The following RNGTT variants were observed in gnomAD, a reference collection of about 807,000 sequenced individuals.
The protein encoded by RNGTT is RNA guanylyltransferase and 5'-phosphatase, also known as mRNA-capping enzyme.
RNGTT carries 33 observed loss-of-function variants against 79.3 expected under a neutral mutation model. The observed-to-expected ratio is 0.42, with a 90% CI of 0.32 to 0.56. RNGTT has a LOEUF of 0.56. RNGTT is among the 20% of genes least tolerant of loss of function. The probability of loss-of-function intolerance (pLI) is 0.17; values close to 1 mark genes in which losing one functional copy is unlikely to be tolerated. For synonymous variants in RNGTT, 222 were observed against 235.9 expected (o/e 0.94, Z 0.54); for missense variants, 497 against 739.1 (o/e 0.67, Z 3.80).
At chr6:88,937,849 A>ATT (rs1784716967) in intron 2 of RNGTT, among the ~76,000 whole-genome samples, 1 of 152,194 alleles carries the variant, frequency 6.6e-6, no homozygotes, top group Non-Finnish European at 1.5e-5. Flanking sequence ...CAATTTCCAA[A>ATT]GTCCCTTATT....
intron 6 of RNGTT, among the ~76,000 whole-genome samples, chr6:88,902,283 G>A (rs972602645): frequency 1.3e-5 from 2 of 152,084 alleles, no homozygotes; most frequent in Non-Finnish European, 2.9e-5. Flanking sequence ...ATAGGAATAA[G>A]TAAATGGAAT....
At chr6:88,764,988 C>T (rs147054791) in intron 13 of RNGTT, among the ~76,000 whole-genome samples, 289 of 152,062 alleles carry the variant, frequency 1.9e-3, no homozygotes, top group Non-Finnish European at 3.6e-3. Context: ...GTCAGGAGAT[C>T]GAGACCATCC....
chr6:88,959,768 T>C (rs551325463), intron 1 of RNGTT, among the ~76,000 whole-genome samples: 3 of 152,228 alleles, frequency 2.0e-5, no homozygotes, highest in African/African-American at 7.2e-5. Flanking sequence ...AAAACTGCAA[T>C]TGTATGCCAC....
At chr6:88,857,902 CA>C (rs1449701151) in intron 8 of RNGTT, among the ~76,000 whole-genome samples, 1 of 152,054 alleles carries the variant, frequency 6.6e-6, no homozygotes, top group East Asian at 1.9e-4. Context: ...CTTTTAGACA[CA>C]GGGGGCAAAA....
intron 11 of RNGTT, among the ~76,000 whole-genome samples, chr6:88,814,035 C>G (rs1780230167): frequency 6.6e-6 from 1 of 151,708 alleles, no homozygotes. Flanking sequence ...AGGTTATAAC[C>G]ATAGGTTATA....
At chr6:88,924,193 G>A (rs1784249359) in intron 4 of RNGTT, among the ~76,000 whole-genome samples, 1 of 152,194 alleles carries the variant, frequency 6.6e-6, no homozygotes, top group Admixed American at 6.5e-5. Flanking sequence ...CCCCTCCCAG[G>A]TAATGCAGGG....
At chr6:88,735,060 C>G (rs764136064) in intron 13 of RNGTT, among the ~76,000 whole-genome samples, 1 of 152,050 alleles carries the variant, frequency 6.6e-6, no homozygotes, top group Non-Finnish European at 1.5e-5. Flanking sequence ...AAATAGACTT[C>G]AGAATAGGAA....
chr6:88,795,405 G>T (rs1166673121), intron 12 of RNGTT, among the ~76,000 whole-genome samples: 2 of 152,046 alleles, frequency 1.3e-5, no homozygotes, highest in Non-Finnish European at 2.9e-5. Flanking sequence ...AATAGAACAC[G>T]TTTAATAACT....
At chr6:88,902,133 G>T (rs545898040) in intron 6 of RNGTT, among the ~76,000 whole-genome samples, 22 of 152,002 alleles carry the variant, frequency 1.4e-4, no homozygotes, top group Non-Finnish European at 2.1e-4. Context: ...AGTACAGTGA[G>T]CTACAATCAC....
intron 14 of RNGTT, among the ~76,000 whole-genome samples, chr6:88,666,848 G>T (rs1269505558): frequency 1.3e-5 from 2 of 152,106 alleles, no homozygotes; most frequent in African/African-American, 2.4e-5. Context: ...TTTAACTCAG[G>T]CCTTAGAGCT....
chr6:88,923,853 A>G (rs1231915977), intron 4 of RNGTT, among the ~76,000 whole-genome samples: 1 of 152,234 alleles, frequency 6.6e-6, no homozygotes, highest in South Asian at 2.1e-4. Context: ...CCAGTTCACA[A>G]TTAAAATAGT....
intron 13 of RNGTT, among the ~76,000 whole-genome samples, chr6:88,682,566 C>T (rs1208175740): frequency 6.6e-6 from 1 of 152,072 alleles, no homozygotes; most frequent in East Asian, 1.9e-4. Context: ...TTCCATAAAG[C>T]ACATTTTTTT....
chr6:88,645,906 G>C (rs1231925991), intron 14 of RNGTT, among the ~76,000 whole-genome samples: 1 of 152,174 alleles, frequency 6.6e-6, no homozygotes, highest in Non-Finnish European at 1.5e-5. Context: ...AACCCTAGAA[G>C]AAAACCTAGG....
chr6:88,691,528 T>C (rs1775482211), intron 13 of RNGTT, among the ~76,000 whole-genome samples: 1 of 152,140 alleles, frequency 6.6e-6, no homozygotes, highest in African/African-American at 2.4e-5. Flanking sequence ...GTAGTAAAAG[T>C]GTAAAGAAGA....
intron 4 of RNGTT, among the ~76,000 whole-genome samples, chr6:88,922,331 A>G (rs1200006630): frequency 6.6e-6 from 1 of 152,144 alleles, no homozygotes; most frequent in African/African-American, 2.4e-5. Flanking sequence ...AGTAATTAGC[A>G]TTTTAATGAC....
rs73506548 is a variant in RNGTT at position 88,916,123 on chromosome 6, G to C, written c.368-9683C>G. 2.2e-3 allele frequency among the ~76,000 whole-genome samples: 342 copies of C among 152,298 alleles called. 1 individual carries two copies. The highest frequency in any genetic ancestry group is 8.0e-3 in the African/African-American group (331 of 41,562). ...AAGAGTGACCGTATCAAGTGTTCCTGAGGATGTAGAGGAACTGGAACCCTC... is the reference window on the plus strand; with the variant it reads ...AAGAGTGACCGTATCAAGTGTTCCTCAGGATGTAGAGGAACTGGAACCCTC... On this transcript the variant is annotated intron_variant, in intron 4 of 15. Transcript: ENST00000369485.
chr6:88,879,691 GA>G (rs1477075258), intron 8 of RNGTT, among the ~76,000 whole-genome samples: 4 of 152,240 alleles, frequency 2.6e-5, no homozygotes, highest in Non-Finnish European at 5.9e-5. Flanking sequence ...TTAATGGGAA[GA>G]AATCTTACTT....
intron 2 of RNGTT, among the ~76,000 whole-genome samples, chr6:88,933,991 T>C (rs2127955767): frequency 6.6e-6 from 1 of 152,278 alleles, no homozygotes; most frequent in Admixed American, 6.5e-5. Flanking sequence ...TCCACATCCT[T>C]GCCAGCATCT....
chr6:88,916,331 T>C (rs982566544), intron 4 of RNGTT, among the ~76,000 whole-genome samples: 2 of 151,988 alleles, frequency 1.3e-5, no homozygotes, highest in African/African-American at 2.4e-5. Flanking sequence ...AAATTCGCCA[T>C]GCATGGTGGT....
Sources: allele counts gnomAD v4.1 joint callset (sites outside exome capture counted in the v4.1 genomes callset), GRCh38; gene constraint gnomAD v4.1.1; transcripts MANE v1.5; gene names NCBI Gene and HGNC (gene_info 2026-07-23, HGNC 2026-07-21).